Variants in POU2F2 observed in about 807,000 individuals in gnomAD.
The protein encoded by POU2F2 is POU class 2 homeobox 2.
In POU2F2, 14 loss-of-function variants were observed where a neutral mutation model predicts 63.5. That is an observed-to-expected ratio of 0.22 (90% CI 0.15 to 0.34). The LOEUF (loss-of-function observed/expected upper bound fraction) is 0.34, where lower values mean the gene tolerates loss of function less well. Among genes scored for constraint, POU2F2 ranks in the 10% least tolerant of loss-of-function variants. The pLI is 1.00. For synonymous variants in POU2F2, 306 were observed against 348.6 expected (o/e 0.88, Z 1.36); for missense variants, 607 against 815.2 (o/e 0.74, Z 3.11).
intron 1 of POU2F2, among the ~76,000 whole-genome samples, chr19:42,164,873 G>T (rs2034619962): frequency 6.6e-6 from 1 of 150,994 alleles, no homozygotes; most frequent in African/African-American, 2.4e-5. Flanking sequence ...GAGATGGGAG[G>T]ATCACTTAAG....
chr19:42,116,938 G>A (rs772579390), intron 5 of POU2F2: 45 of 568,524 alleles, frequency 7.9e-5, no homozygotes, highest in Non-Finnish European at 1.3e-4. Context: ...CTGCACGGCG[G>A]CGGCCAGGAG....
At chr19:42,150,440 G>A (rs1194667704) in intron 2 of POU2F2, among the ~76,000 whole-genome samples, 1 of 151,486 alleles carries the variant, frequency 6.6e-6, no homozygotes, top group African/African-American at 2.4e-5. Context: ...CTGGGGGAGG[G>A]GTGGTGAGGA....
intron 1 of POU2F2, among the ~76,000 whole-genome samples, chr19:42,186,155 C>T (rs2035010249): frequency 6.6e-6 from 1 of 151,754 alleles, no homozygotes; most frequent in African/African-American, 2.4e-5. Context: ...CCCATCTCTA[C>T]TGAAAATACA....
At chr19:42,103,303 G>A (rs565624457) in intron 5 of POU2F2, among the ~76,000 whole-genome samples, 109 of 152,196 alleles carry the variant, frequency 7.2e-4, no homozygotes, top group Non-Finnish European at 9.6e-4. Flanking sequence ...TCACTGGAAC[G>A]TCAGCTCCAT....
intron 5 of POU2F2, among the ~76,000 whole-genome samples, chr19:42,110,340 ACT>A (rs1600064179): frequency 6.6e-6 from 1 of 152,172 alleles, no homozygotes; most frequent in African/African-American, 2.4e-5. Context: ...GCTTTCTGAC[ACT>A]CTGAGTAATC....
intron 1 of POU2F2, among the ~76,000 whole-genome samples, chr19:42,174,551 G>A (rs190824948): frequency 2.6e-5 from 4 of 152,230 alleles, no homozygotes; most frequent in African/African-American, 4.8e-5. Context: ...CACCCATGAT[G>A]GGGACCCCCA....
At position 42,117,110 on chromosome 19, in the gene POU2F2, C is replaced by A; in HGVS notation, c.369+140G>T. On this transcript the variant is annotated intron_variant, in intron 5 of 14. Coordinates refer to ENST00000692977, the MANE Select transcript of POU2F2 (RefSeq NM_001394376.1). The surrounding 1 kb of genome is among the most constrained non-coding windows in gnomAD (Gnocchi z 4.4). Reference sequence around the variant, plus strand: ...AGCCAAGCAAGTAAGGGGACAAGACCTCCTAGAGGACAGAAGAGGGCAAGA... The same window carrying A: ...AGCCAAGCAAGTAAGGGGACAAGACATCCTAGAGGACAGAAGAGGGCAAGA... The A allele has an allele frequency of 4.0e-6, 3 of 742,172 alleles. No homozygotes were observed. In the South Asian group the frequency reaches 5.3e-5, roughly 13 times the overall value. The allele number at this position is 742,172 out of a possible 1,614,324, so 46.0% of individuals were successfully genotyped here.
Position 42,092,323 on chromosome 19 carries a change from T to C in POU2F2, c.1265-53A>G. The C allele has an allele frequency of 7.3e-7, 1 of 1,368,232 alleles. No homozygotes were observed. The highest frequency in any genetic ancestry group is 1.0e-6 in the Non-Finnish European group (1 of 980,948). 84.8% of individuals were successfully genotyped at this position (1,368,232 alleles called of 1,614,324 possible). On this transcript the variant is annotated intron_variant, in intron 12 of 14. Transcript: ENST00000692977. The surrounding 1 kb of genome is among the most constrained non-coding windows in gnomAD (Gnocchi z 5.0). ...TCTTCAGCTTCCACTCGTCCCCCAC[T>C]GAGGAACCTGGGGTCAGCTCCTACT... is the stretch of plus-strand genomic sequence containing the variant.
rs1201933296 is a variant in POU2F2, at chr19:42,091,701, C to T, written c.1541-110G>A. On this transcript the variant is annotated intron_variant, in intron 14 of 14. Transcript: ENST00000692977. ...CCCATCTCCCCATCGGTCCCACTGA[C>T]CCCCATCAGCACCCCTCACACCTTC... The T allele has an allele frequency of 2.6e-6, 4 of 1,551,356 alleles. No individual in the cohort carries two copies. The African/African-American group carries it at 4.1e-5, about 16-fold the overall frequency.
chr19:42,125,353 C>CTCT (rs1438179217), intron 1 of POU2F2, among the ~76,000 whole-genome samples: 1 of 119,282 alleles, frequency 8.4e-6, no homozygotes, highest in African/African-American at 3.3e-5. Flanking sequence ...TAGAGCAAGA[C>CTCT]TCTGTCTCAA....
chr19:42,174,692 T>C (rs1446202634), intron 1 of POU2F2, among the ~76,000 whole-genome samples: 3 of 151,874 alleles, frequency 2.0e-5, no homozygotes, highest in African/African-American at 7.3e-5. Context: ...GCAGGCCTTA[T>C]ACACATGCAT....
chr19:42,168,008 C>T (rs2034686922), intron 1 of POU2F2, among the ~76,000 whole-genome samples: 1 of 152,178 alleles, frequency 6.6e-6, no homozygotes, highest in South Asian at 2.1e-4. Flanking sequence ...ATCAATAGAA[C>T]GTCAGTAGAA....
intron 1 of POU2F2, among the ~76,000 whole-genome samples, chr19:42,124,602 A>G (rs924952232): frequency 6.6e-6 from 1 of 152,230 alleles, no homozygotes; most frequent in Non-Finnish European, 1.5e-5. Flanking sequence ...CCTGCCCATC[A>G]AAGGACATGG....
chr19:42,110,780 A>G (rs1277326923), intron 5 of POU2F2: 2 of 455,716 alleles, frequency 4.4e-6, no homozygotes, highest in Non-Finnish European at 8.8e-6. Context: ...TAAATGAGAC[A>G]ATATGTGTAG....
At chr19:42,109,431 C>T (rs2030706221) in intron 5 of POU2F2, among the ~76,000 whole-genome samples, 1 of 152,018 alleles carries the variant, frequency 6.6e-6, no homozygotes, top group Non-Finnish European at 1.5e-5. Context: ...TAGGGGAGAA[C>T]AGGAAGGAGT....
chr19:42,132,281 G>A, intron 1 of POU2F2, 103 bp downstream of exon 1: 2 of 1,341,302 alleles, frequency 1.5e-6, no homozygotes, highest in Non-Finnish European at 2.1e-6. Context: ...AGAGGAGAAG[G>A]ACAATGGAGA....
At chr19:42,135,549 C>T (rs2033989529), upstream of POU2F2, among the ~76,000 whole-genome samples, 2 of 152,042 alleles carry the variant, frequency 1.3e-5, no homozygotes, top group South Asian at 4.2e-4. Flanking sequence ...CCCCAGTGGG[C>T]CTCAGAGACC....
rs974564966 is a variant in POU2F2, at chr19:42,091,510, G to A, written c.1622C>T (p.Pro541Leu). The change falls in exon 15 of 15, where the codon CCG becomes CTG. Residue 541 changes from proline to leucine, a missense_variant. By Grantham distance (98) the Pro-to-Leu change is moderately conservative (BLOSUM62 -3). Around this residue, in one of 7 missense-constraint regions of POU2F2, gnomAD observed 270 missense variants for 307.5 expected, o/e 0.88. Transcript: ENST00000692977. ...NLVLGAAGAA[P>L]GSPGLVTSPL... ...CGAGGTCACCAGGCCAGGGCTCCCC[G>A]GGGCTGCACCGGCTGCCCCCAGCAC... is the stretch of plus-strand genomic sequence containing the variant. 8 of 1,547,276 alleles carry A rather than the reference G, an allele frequency of 5.2e-6. No homozygotes were observed. Among genetic ancestry groups the A allele is most frequent in the South Asian group, 1.2e-5 (1 of 83,648 alleles).
In POU2F2 at chr19:42,095,247, C is replaced by G; in HGVS notation, c.1197+39G>C. 2 of 1,588,700 alleles carry G rather than the reference C, an allele frequency of 1.3e-6. No individual in the cohort carries two copies. The highest frequency in any genetic ancestry group is 1.7e-6 in the Non-Finnish European group (2 of 1,169,376). ...GGGCTTCACACAGGTGCCTGCGGAGCTCTGTGGTCTCCCCACCCCCCAGGC... is the reference window on the plus strand; with the variant it reads ...GGGCTTCACACAGGTGCCTGCGGAGGTCTGTGGTCTCCCCACCCCCCAGGC... On this transcript the variant is annotated intron_variant, in intron 11 of 14. Coordinates refer to ENST00000692977, the MANE Select transcript of POU2F2 (RefSeq NM_001394376.1). This position sits in a 1 kb window ranked among gnomAD's most constrained non-coding sequence, Gnocchi z 7.1.
Sources: allele counts gnomAD v4.1 joint callset (sites outside exome capture counted in the v4.1 genomes callset), GRCh38; gene constraint gnomAD v4.1.1; regional missense constraint gnomAD v4.1.1; non-coding constraint Gnocchi (gnomAD v3.1); transcripts MANE v1.5; gene names NCBI Gene and HGNC (gene_info 2026-07-23, HGNC 2026-07-21).